Variants in NEGR1 observed in about 807,000 individuals in gnomAD.
NEGR1 encodes neuronal growth regulator 1, also known as IgLON family member 4.
A neutral mutation model predicts 40.9 loss-of-function variants in NEGR1; 10 were observed. The ratio of observed to expected loss-of-function variants is 0.24; its 90% CI spans 0.15 to 0.42. The LOEUF (loss-of-function observed/expected upper bound fraction) is 0.42. Among genes scored for constraint, NEGR1 ranks in the 10% least tolerant of loss-of-function variants. The pLI is 1.00. For missense variants in NEGR1, 352 were observed against 438.9 expected, an observed-to-expected ratio of 0.80 and a Z score of 1.77; for synonymous variants, 185 against 166.8, an observed-to-expected ratio of 1.11 and a Z score of -0.84.
At chr1:71,491,228 CAA>C (rs1260399045) in intron 6 of NEGR1, among the ~76,000 whole-genome samples, 13 of 152,022 alleles carry the variant, frequency 8.6e-5, no homozygotes, top group African/African-American at 2.7e-4. Flanking sequence ...TATAAGTAGT[CAA>C]GAGATAATTT....
intron 4 of NEGR1, among the ~76,000 whole-genome samples, chr1:71,625,231 T>C (rs1650732185): frequency 6.6e-6 from 1 of 151,860 alleles, no homozygotes; most frequent in Admixed American, 6.6e-5. Flanking sequence ...GCTTTCACAT[T>C]TTTGATTTTT....
intron 2 of NEGR1, among the ~76,000 whole-genome samples, chr1:71,805,556 T>C (rs1657737821): frequency 6.6e-6 from 1 of 152,326 alleles, no homozygotes; most frequent in African/African-American, 2.4e-5. Flanking sequence ...GAGATGTCTT[T>C]GCACTGTTTT....
chr1:71,689,515 T>A (rs1653179167), intron 4 of NEGR1, among the ~76,000 whole-genome samples: 1 of 152,168 alleles, frequency 6.6e-6, no homozygotes, highest in Non-Finnish European at 1.5e-5. Context: ...TCCTGTAATA[T>A]CTAAACCCAA....
chr1:71,967,012 C>A (rs1465202393), intron 1 of NEGR1, among the ~76,000 whole-genome samples: 1 of 152,046 alleles, frequency 6.6e-6, no homozygotes, highest in African/African-American at 2.4e-5. Context: ...GCACAACCAG[C>A]TGGGTTGTTA....
chr1:71,502,465 C>T lies in NEGR1; in HGVS notation c.940+90352G>A, dbSNP rs114111092. Among the ~76,000 whole-genome samples the T allele has an allele frequency of 1.5e-3, 229 of 152,224 alleles. 1 individual carries two copies. Among genetic ancestry groups the T allele is most frequent in the African/African-American group, 5.0e-3 (209 of 41,526 alleles). On this transcript the variant is annotated intron_variant, in intron 6 of 6. Coordinates refer to ENST00000357731, the MANE Select transcript of NEGR1 (RefSeq NM_173808.3). Reference sequence around the variant, plus strand: ...AGATCGCCATTAAAAGTCTCACTTCCGCTGTTTTTCATGTCTCTCAGTCCA... The same window carrying T: ...AGATCGCCATTAAAAGTCTCACTTCTGCTGTTTTTCATGTCTCTCAGTCCA...
intron 1 of NEGR1, among the ~76,000 whole-genome samples, chr1:72,279,950 G>C (rs1239205183): frequency 2.0e-5 from 3 of 152,148 alleles, no homozygotes; most frequent in South Asian, 2.1e-4. Flanking sequence ...AAATTGCTTT[G>C]AGTAAAAGTA....
chr1:72,185,462 T>G (rs527581102), intron 1 of NEGR1, among the ~76,000 whole-genome samples: 1 of 151,960 alleles, frequency 6.6e-6, no homozygotes, highest in Admixed American at 6.6e-5. Context: ...CAATTCCTTG[T>G]GCAGAGTCTG....
intron 2 of NEGR1, among the ~76,000 whole-genome samples, chr1:71,815,884 G>A (rs1658187700): frequency 6.6e-6 from 1 of 151,960 alleles, no homozygotes; most frequent in African/African-American, 2.4e-5. Context: ...TGATAAACTG[G>A]ATCATGGTTG....
At chr1:72,273,421 G>A (rs575725038) in intron 1 of NEGR1, among the ~76,000 whole-genome samples, 8 of 151,916 alleles carry the variant, frequency 5.3e-5, no homozygotes, top group Non-Finnish European at 4.4e-5. Context: ...CCTGTTATCT[G>A]TTGATTATAA....
chr1:71,995,274 A>G (rs1001936664), intron 1 of NEGR1, among the ~76,000 whole-genome samples: 1 of 152,156 alleles, frequency 6.6e-6, no homozygotes, highest in Non-Finnish European at 1.5e-5. Context: ...GCTCAACTCA[A>G]TTAATGGGAG....
At chr1:71,771,209 C>T (rs975925561) in intron 3 of NEGR1, among the ~76,000 whole-genome samples, 4 of 152,202 alleles carry the variant, frequency 2.6e-5, no homozygotes, top group Non-Finnish European at 4.4e-5. Flanking sequence ...AACAGAAAAC[C>T]AAACACCACA....
At chr1:72,221,550 T>C (rs915831819) in intron 1 of NEGR1, among the ~76,000 whole-genome samples, 6 of 152,164 alleles carry the variant, frequency 3.9e-5, no homozygotes, top group Non-Finnish European at 2.9e-5. Flanking sequence ...CTAATTTTTT[T>C]CTGTGGAACT....
At chr1:71,643,620 A>T (rs192703337) in intron 4 of NEGR1, among the ~76,000 whole-genome samples, 2 of 152,014 alleles carry the variant, frequency 1.3e-5, no homozygotes, top group African/African-American at 2.4e-5. Context: ...CTATTCTTAA[A>T]ATTTTCACCA....
chr1:71,551,129 T>G (rs1354391007), intron 6 of NEGR1, among the ~76,000 whole-genome samples: 2 of 151,602 alleles, frequency 1.3e-5, no homozygotes, highest in Non-Finnish European at 3.0e-5. Context: ...TCTCCTAGCT[T>G]AACACAAAAA....
intron 6 of NEGR1, among the ~76,000 whole-genome samples, chr1:71,419,482 A>G (rs1215237260): frequency 2.0e-5 from 3 of 152,166 alleles, no homozygotes. Flanking sequence ...TAATTATACT[A>G]TTAGCAGGCA....
chr1:72,047,056 C>A (rs1313706890), intron 1 of NEGR1, among the ~76,000 whole-genome samples: 2 of 151,248 alleles, frequency 1.3e-5, no homozygotes, highest in Non-Finnish European at 3.0e-5. Context: ...ATCAAAAAAC[C>A]TTTAGATTCT....
intron 6 of NEGR1, among the ~76,000 whole-genome samples, chr1:71,561,236 A>G (rs1158728617): frequency 3.3e-5 from 5 of 151,728 alleles, no homozygotes; most frequent in African/African-American, 7.2e-5. Flanking sequence ...AGCCCCTAAC[A>G]AAGATCAATG....
chr1:71,442,063 A>G (rs1646550594), intron 6 of NEGR1, among the ~76,000 whole-genome samples: 2 of 152,096 alleles, frequency 1.3e-5, no homozygotes, highest in African/African-American at 2.4e-5. Context: ...ATTACATCCT[A>G]TAAGAACCTG....
intron 4 of NEGR1, among the ~76,000 whole-genome samples, chr1:71,613,807 T>C (rs1650352168): frequency 6.6e-6 from 1 of 152,166 alleles, no homozygotes; most frequent in African/African-American, 2.4e-5. Context: ...AACTAGAATC[T>C]TGAAGATACA....
Sources: allele counts gnomAD v4.1 joint callset (sites outside exome capture counted in the v4.1 genomes callset), GRCh38; gene constraint gnomAD v4.1.1; transcripts MANE v1.5; gene names NCBI Gene and HGNC (gene_info 2026-07-23, HGNC 2026-07-21).